PRKAR1B: variants seen among roughly 807,000 people sequenced by gnomAD.
The protein encoded by PRKAR1B is cAMP-dependent protein kinase type I-beta regulatory subunit.
A neutral mutation model predicts 46.5 loss-of-function variants in PRKAR1B; 22 were observed. That is an observed-to-expected ratio of 0.47 (90% CI 0.34 to 0.68). PRKAR1B has a LOEUF of 0.68. PRKAR1B is among the 30% of genes least tolerant of loss of function. The pLI is 0.01. For missense variants in PRKAR1B, 445 were observed against 535.6 expected (o/e 0.83, Z 1.67); for synonymous variants, 259 against 217.7 (o/e 1.19, Z -1.67).
At chr7:680,970 A>C (rs1425886844) in intron 2 of PRKAR1B, among the ~76,000 whole-genome samples, 1 of 152,102 alleles carries the variant, frequency 6.6e-6, no homozygotes, top group Non-Finnish European at 1.5e-5. Context: ...CTCATCTTGA[A>C]TTGTAATCCC....
At chr7:636,879 C>G (rs1357037654) in intron 4 of PRKAR1B, among the ~76,000 whole-genome samples, 1 of 152,204 alleles carries the variant, frequency 6.6e-6, no homozygotes, top group Non-Finnish European at 1.5e-5. Flanking sequence ...TCCTCAACAA[C>G]TGTGACCCCG....
In PRKAR1B at chr7:579,239, T is replaced by TGGGAA. The variant is rs1460836296; in HGVS notation, c.891+12_891+16dup. ...CCAGTGCACACCCAGAGCGCCCACGTGGGAAGCACGTCTCACCTCCGTGAT... is the reference window on the plus strand; with the variant it reads ...CCAGTGCACACCCAGAGCGCCCACGTGGGAAGGGAAGCACGTCTCACCTCCGTGAT... On this transcript the variant is annotated intron_variant, in intron 9 of 10. Coordinates refer to ENST00000537384, the MANE Select transcript of PRKAR1B (RefSeq NM_001164760.2). The TGGGAA allele has an allele frequency of 1.2e-6, 2 of 1,613,980 alleles. No homozygotes were observed. The highest frequency in any genetic ancestry group is 2.7e-5 in the African/African-American group (2 of 75,050).
In PRKAR1B at chr7:568,426, A is replaced by G. The variant is rs1033436490; in HGVS notation, c.891+10830T>C. Among the ~76,000 whole-genome samples, 5 of 152,352 alleles carry G rather than the reference A, an allele frequency of 3.3e-5. No individual in the cohort carries two copies. The South Asian group carries it at 1.0e-3, about 32-fold the overall frequency. On this transcript the variant is annotated intron_variant, in intron 9 of 10. Transcript: ENST00000537384. ...TGAATCAGAGAGACATGCGTGGCCA[A>G]ATTTAGAACACAGGAGGACAACTTC...
At chr7:584,671 G>C in intron 7 of PRKAR1B, 103 bp from the exon 8 acceptor site, 2 of 999,534 alleles carry the variant, frequency 2.0e-6, no homozygotes, top group East Asian at 2.6e-5. Flanking sequence ...TTTTAAATGA[G>C]ACCCTCCAAG....
At chr7:655,351 A>T (rs889431462) in intron 4 of PRKAR1B, among the ~76,000 whole-genome samples, 3 of 152,164 alleles carry the variant, frequency 2.0e-5, no homozygotes, top group African/African-American at 7.2e-5. Flanking sequence ...ATTCTTGGAC[A>T]ACCAGGCATG....
In PRKAR1B at chr7:695,021, A is replaced by T. The variant is rs1779650830; in HGVS notation, c.178-14295T>A. Among the ~76,000 whole-genome samples, 4 of 146,022 alleles carry T rather than the reference A, an allele frequency of 2.7e-5. No homozygotes were observed. The Admixed American group carries it at 2.7e-4, about 10-fold the overall frequency. ...ACTCCAGCCTGGGGGACAGAGCAAG[A>T]CTCCGTCTCAAAAAAAAAAAAAAAA... is the stretch of plus-strand genomic sequence containing the variant. On this transcript the variant is annotated intron_variant, in intron 2 of 10. Transcript: ENST00000537384.
At chr7:606,649 T>A (rs1036218766) in intron 5 of PRKAR1B, among the ~76,000 whole-genome samples, 7 of 151,982 alleles carry the variant, frequency 4.6e-5, no homozygotes, top group Admixed American at 3.9e-4. Context: ...AGTTTCACCA[T>A]GTTGGCCAGG....
At chr7:555,743 ACAGT>A (rs891314679) in intron 9 of PRKAR1B, among the ~76,000 whole-genome samples, 5 of 152,272 alleles carry the variant, frequency 3.3e-5, no homozygotes, top group African/African-American at 7.2e-5. Context: ...CCAAGGCCAC[ACAGT>A]CAGAGTCCCG....
At chr7:638,851 C>A (rs1438173747) in intron 4 of PRKAR1B, among the ~76,000 whole-genome samples, 1 of 152,152 alleles carries the variant, frequency 6.6e-6, no homozygotes, top group East Asian at 1.9e-4. Flanking sequence ...CTGAAGCGGG[C>A]GGATCACTTG....
intron 6 of PRKAR1B, among the ~76,000 whole-genome samples, chr7:598,531 C>T (rs1781406343): frequency 6.8e-6 from 1 of 146,394 alleles, no homozygotes; most frequent in South Asian, 2.3e-4. Context: ...AACACCATCA[C>T]CCTCCAGCAC....
chr7:580,729 C>T (rs1780125163), intron 8 of PRKAR1B, among the ~76,000 whole-genome samples: 1 of 134,826 alleles, frequency 7.4e-6, no homozygotes, highest in African/African-American at 2.8e-5. Context: ...ACCTGATTAA[C>T]GATTTCTTTT....
At chr7:642,583 G>A (rs1043006216) in intron 4 of PRKAR1B, among the ~76,000 whole-genome samples, 19 of 151,810 alleles carry the variant, frequency 1.3e-4, no homozygotes, top group African/African-American at 4.6e-4. Flanking sequence ...AAATTAGCCG[G>A]GCGTAGTGGC....
At chr7:654,902 T>C (rs1049647489) in intron 4 of PRKAR1B, among the ~76,000 whole-genome samples, 19 of 152,156 alleles carry the variant, frequency 1.2e-4, no homozygotes, top group African/African-American at 4.6e-4. Context: ...TCATTGCCGT[T>C]GCCTCCAAGG....
chr7:650,685 G>A (rs969242322), intron 4 of PRKAR1B, among the ~76,000 whole-genome samples: 1 of 152,246 alleles, frequency 6.6e-6, no homozygotes, highest in Non-Finnish European at 1.5e-5. Flanking sequence ...GCCTTTGACT[G>A]CGCCAACTTC....
intron 5 of PRKAR1B, 57 bp downstream of exon 5, chr7:607,334 G>T: frequency 1.3e-6 from 2 of 1,503,492 alleles, no homozygotes; most frequent in Admixed American, 1.8e-5. Flanking sequence ...TTTTTTTTAA[G>T]TGCATAGTCC....
chr7:633,195 A>G (rs1783864984), intron 4 of PRKAR1B, among the ~76,000 whole-genome samples: 1 of 152,244 alleles, frequency 6.6e-6, no homozygotes, highest in South Asian at 2.1e-4. Flanking sequence ...ATGATGTCAA[A>G]TGAAAAACAC....
intron 2 of PRKAR1B, among the ~76,000 whole-genome samples, chr7:697,948 G>GAGGGA (rs1247938835): frequency 4.6e-4 from 43 of 93,342 alleles, no homozygotes; most frequent in Non-Finnish European, 8.4e-4. Flanking sequence ...GAAGGGACGG[G>GAGGGA]AGGGAAGGGA....
At chr7:562,466 C>G (rs1035460336) in intron 9 of PRKAR1B, among the ~76,000 whole-genome samples, 2 of 152,182 alleles carry the variant, frequency 1.3e-5, no homozygotes, top group African/African-American at 4.8e-5. Flanking sequence ...AGACACCTCC[C>G]TCGGCCTCAC....
Position 550,497 on chromosome 7 carries a change from C to T in PRKAR1B, c.1079G>A (p.Gly360Glu), listed in dbSNP as rs1432880742. 6.2e-7 allele frequency: 1 copy of T among 1,600,694 alleles called. No individual in the cohort carries two copies. The highest frequency in any genetic ancestry group is 2.3e-5 in the East Asian group (1 of 44,312). The change falls in exon 11 of 11, where the codon GGG (glycine) becomes GAG (glutamate). Residue 360 changes from glycine to glutamate, a missense_variant. Around this residue, in one of 5 missense-constraint regions of PRKAR1B, gnomAD observed 127 missense variants for 138.0 expected, o/e 0.92. Coordinates refer to ENST00000537384, the MANE Select transcript of PRKAR1B (RefSeq NM_001164760.2). ...LDRPRFERVL[G>E]PCSEILKRNI... is the part of the protein sequence containing the mutation. Reference sequence around the variant, plus strand: ...CCTCTTGAGGATCTCAGAGCAGGGCCCCAGCACACGCTCGAAGCGGGGCCG... The same window carrying T: ...CCTCTTGAGGATCTCAGAGCAGGGCTCCAGCACACGCTCGAAGCGGGGCCG...
Sources: allele counts gnomAD v4.1 joint callset (sites outside exome capture counted in the v4.1 genomes callset), GRCh38; gene constraint gnomAD v4.1.1; regional missense constraint gnomAD v4.1.1; transcripts MANE v1.5; gene names NCBI Gene and HGNC (gene_info 2026-07-23, HGNC 2026-07-21).